Variants in SPAST observed in about 807,000 individuals in gnomAD.
SPAST encodes spastin.
A neutral mutation model predicts 76.6 loss-of-function variants in SPAST; 30 were observed. The observed-to-expected ratio is 0.39, with a 90% CI of 0.29 to 0.53. The LOEUF (loss-of-function observed/expected upper bound fraction) is 0.53, where lower values mean the gene tolerates loss of function less well. Among genes scored for constraint, SPAST ranks in the 20% least tolerant of loss-of-function variants. The pLI, the probability that SPAST is intolerant of heterozygous loss-of-function variation, is 0.68. For synonymous variants in SPAST, 305 were observed against 281.0 expected (o/e 1.09, Z -0.86); for missense variants, 717 against 770.5 (o/e 0.93, Z 0.82).
intron 16 of SPAST, among the ~76,000 whole-genome samples, chr2:32,148,765 C>T (rs9677320): frequency 1.3e-5 from 2 of 149,606 alleles, no homozygotes; most frequent in East Asian, 4.0e-4. Context: ...GAGCCGAGAT[C>T]GTGCCACTGC....
At chr2:32,141,222 A>C (rs1241294681) in intron 12 of SPAST, among the ~76,000 whole-genome samples, 1 of 152,296 alleles carries the variant, frequency 6.6e-6, no homozygotes, top group Non-Finnish European at 1.5e-5. Context: ...ACTGCAAGAC[A>C]TTGTCTTCCC....
intron 1 of SPAST, among the ~76,000 whole-genome samples, chr2:32,071,136 C>T (rs374729686): frequency 6.2e-4 from 95 of 152,086 alleles, no homozygotes; most frequent in African/African-American, 2.1e-3. Context: ...GTAGACAAGC[C>T]GGAAATCTCC....
intron 1 of SPAST, among the ~76,000 whole-genome samples, chr2:32,068,005 G>A (rs756361014): frequency 2.0e-5 from 3 of 147,030 alleles, no homozygotes; most frequent in Non-Finnish European, 3.0e-5. Flanking sequence ...TTGAGACAGA[G>A]CCTCGCTTTG....
intron 5 of SPAST, 133 bp from the exon 6 acceptor site, chr2:32,115,569 A>G (rs1678796240): frequency 1.5e-6 from 1 of 647,676 alleles, no homozygotes; most frequent in African/African-American, 1.8e-5. Flanking sequence ...GTAAATAAAT[A>G]TACAATTTAT....
At chr2:32,096,622 T>G (rs1441588680) in intron 3 of SPAST, among the ~76,000 whole-genome samples, 2 of 152,104 alleles carry the variant, frequency 1.3e-5, no homozygotes, top group Non-Finnish European at 2.9e-5. Context: ...CGAAAAGAAA[T>G]CCTATAGCTT....
intron 1 of SPAST, among the ~76,000 whole-genome samples, chr2:32,075,547 C>CTTTTTTTTTTTTTT (rs773998404): frequency 1.2e-5 from 1 of 85,494 alleles, no homozygotes; most frequent in African/African-American, 4.7e-5. Flanking sequence ...TGGCTTTTTT[C>CTTTTTTTTTTTTTT]TTTTTTTTTT....
At chr2:32,100,707 G>A (rs998213485) in intron 4 of SPAST, among the ~76,000 whole-genome samples, 9 of 152,012 alleles carry the variant, frequency 5.9e-5, no homozygotes, top group Non-Finnish European at 8.8e-5. Flanking sequence ...GAGAACATAC[G>A]GTGTTTGGTT....
At chr2:32,153,066 T>C (rs952944800) in intron 16 of SPAST, among the ~76,000 whole-genome samples, 1 of 152,024 alleles carries the variant, frequency 6.6e-6, no homozygotes, top group Admixed American at 6.6e-5. Flanking sequence ...TAACTATATG[T>C]TTTTTTCTTT....
chr2:32,090,783 A>G (rs1488431612), intron 3 of SPAST, among the ~76,000 whole-genome samples: 6 of 152,246 alleles, frequency 3.9e-5, no homozygotes, highest in Admixed American at 1.3e-4. Context: ...ATGTTTTAAC[A>G]TGTTCTTCTT....
intron 16 of SPAST, among the ~76,000 whole-genome samples, chr2:32,150,468 C>T (rs1013613605): frequency 1.3e-5 from 2 of 151,448 alleles, no homozygotes; most frequent in African/African-American, 4.9e-5. Flanking sequence ...GACAGTGTCT[C>T]ACTTGGTTGC....
At chr2:32,131,989 T>A (rs1679384986) in intron 9 of SPAST, among the ~76,000 whole-genome samples, 1 of 152,166 alleles carries the variant, frequency 6.6e-6, no homozygotes. Context: ...ATCCATACTT[T>A]TTTCAAGAGT....
At position 32,135,147 on chromosome 2, in the gene SPAST, T is replaced by TGA. The variant is rs1192477363; in HGVS notation, c.1246-1413_1246-1412dup. ...GTGTGTGTGTGTGTGTGTGTGTGTG[T>TGA]GAGATGGAGTCTTGCTCTGTCGCCC... On this transcript the variant is annotated intron_variant, in intron 9 of 16. Coordinates refer to ENST00000315285, the MANE Select transcript of SPAST (RefSeq NM_014946.4). 2.0e-5 allele frequency among the ~76,000 whole-genome samples: 3 copies of TGA among 151,610 alleles called. No individual in the cohort carries two copies. The East Asian group carries it at 5.9e-4, about 30-fold the overall frequency.
intron 3 of SPAST, among the ~76,000 whole-genome samples, chr2:32,093,336 GC>G (rs1558308776): frequency 3.0e-5 from 4 of 131,846 alleles, no homozygotes; most frequent in African/African-American, 5.6e-5. Flanking sequence ...AAAAAAAATA[GC>G]CGGGCATGGT....
At chr2:32,152,598 T>G (rs887284756) in intron 16 of SPAST, among the ~76,000 whole-genome samples, 2 of 152,126 alleles carry the variant, frequency 1.3e-5, no homozygotes, top group African/African-American at 2.4e-5. Flanking sequence ...TTTTATTTAG[T>G]AATATCATGT....
chr2:32,091,188 C>T (rs1298444069), intron 3 of SPAST, among the ~76,000 whole-genome samples: 1 of 150,360 alleles, frequency 6.7e-6, no homozygotes, highest in Non-Finnish European at 1.5e-5. Context: ...AGCCCTGTGA[C>T]TTGGGGTAAG....
At position 32,092,872 on chromosome 2, in the gene SPAST, T is replaced by C. The variant is rs187894072; in HGVS notation, c.586+3267T>C. 5.1e-3 allele frequency among the ~76,000 whole-genome samples: 778 copies of C among 151,812 alleles called. 5 individuals carry two copies. The highest frequency in any genetic ancestry group is 0.017 in the African/African-American group (711 of 41,388). On this transcript the variant is annotated intron_variant, in intron 3 of 16. Coordinates refer to ENST00000315285, the MANE Select transcript of SPAST (RefSeq NM_014946.4). ...AAATACAAAAAATTAGCCAGGCTGGTGGTACGCACCTGTAATCCCAGCTAC... is the reference window on the plus strand; with the variant it reads ...AAATACAAAAAATTAGCCAGGCTGGCGGTACGCACCTGTAATCCCAGCTAC...
chr2:32,072,220 T>A (rs978459238), intron 1 of SPAST, among the ~76,000 whole-genome samples: 1 of 152,038 alleles, frequency 6.6e-6, no homozygotes, highest in Non-Finnish European at 1.5e-5. Context: ...TTTTTTTGTA[T>A]TTTTAGTAGA....
Position 32,063,697 on chromosome 2 carries a change from G to C in SPAST, c.-135G>C, listed in dbSNP as rs1402856180. On this transcript the variant is annotated 5_prime_UTR_variant, in exon 1 of 17. Coordinates refer to ENST00000315285, the MANE Select transcript of SPAST (RefSeq NM_014946.4). ...GGGCGGGGCCGGCGGGCAGCGTGCGGCAGTGCGGAGCTCCTGAGACCGGCG... is the reference window on the plus strand; with the variant it reads ...GGGCGGGGCCGGCGGGCAGCGTGCGCCAGTGCGGAGCTCCTGAGACCGGCG... 1 of 1,186,080 alleles carries C rather than the reference G, an allele frequency of 8.4e-7. No individual in the cohort carries two copies. Among genetic ancestry groups the C allele is most frequent in the East Asian group, 2.6e-5 (1 of 37,998 alleles). The allele number at this position is 1,186,080 out of a possible 1,614,324, so 73.5% of individuals were successfully genotyped here.
chr2:32,149,348 T>G (rs867198923), intron 16 of SPAST, among the ~76,000 whole-genome samples: 26 of 150,554 alleles, frequency 1.7e-4, no homozygotes, highest in African/African-American at 6.3e-4. Context: ...ATCGCCAGCC[T>G]CGGCCTCCCT....
Sources: allele counts gnomAD v4.1 joint callset (sites outside exome capture counted in the v4.1 genomes callset), GRCh38; gene constraint gnomAD v4.1.1; transcripts MANE v1.5; gene names NCBI Gene and HGNC (gene_info 2026-07-23, HGNC 2026-07-21).